PRKG1: variants seen among roughly 807,000 people sequenced by gnomAD.
PRKG1 encodes cGMP-dependent protein kinase 1.
PRKG1 carries 35 observed loss-of-function variants against 88.1 expected under a neutral mutation model. That is an observed-to-expected ratio of 0.40 (90% CI 0.30 to 0.53). PRKG1 has a LOEUF of 0.53. Among genes scored for constraint, PRKG1 ranks in the 20% least tolerant of loss-of-function variants. PRKG1 has a pLI of 0.59. For synonymous variants in PRKG1, 303 were observed against 292.5 expected (o/e 1.04, Z -0.37); for missense variants, 540 against 839.8 (o/e 0.64, Z 4.41).
intron 4 of PRKG1, among the ~76,000 whole-genome samples, chr10:51,881,482 AC>A (rs1279525214): frequency 6.6e-6 from 1 of 152,182 alleles, no homozygotes; most frequent in Non-Finnish European, 1.5e-5. Context: ...GGCTTCTTCC[AC>A]ATGATCTTTC....
At chr10:51,030,952 T>C (rs1434718541) in intron 1 of PRKG1, among the ~76,000 whole-genome samples, 1 of 152,180 alleles carries the variant, frequency 6.6e-6, no homozygotes, top group African/African-American at 2.4e-5. Flanking sequence ...CTAACAAAAC[T>C]ACCTCTCAGT....
At chr10:51,399,599 AAAAT>A (rs1323056076) in intron 2 of PRKG1, among the ~76,000 whole-genome samples, 12 of 152,350 alleles carry the variant, frequency 7.9e-5, no homozygotes, top group East Asian at 1.9e-4. Flanking sequence ...ATGTAGAAGA[AAAAT>A]AAAATCAAAA....
chr10:51,466,771 G>C (rs1839917610), intron 2 of PRKG1, among the ~76,000 whole-genome samples: 1 of 151,938 alleles, frequency 6.6e-6, no homozygotes, highest in Admixed American at 6.6e-5. Context: ...TGAAATCAAA[G>C]TATAAAGGCC....
intron 2 of PRKG1, among the ~76,000 whole-genome samples, chr10:51,309,642 T>C (rs750377321): frequency 2.0e-5 from 3 of 152,070 alleles, no homozygotes; most frequent in Admixed American, 2.0e-4. Flanking sequence ...TACACAATTA[T>C]TGAGAATATA....
intron 9 of PRKG1, among the ~76,000 whole-genome samples, chr10:52,239,935 T>C (rs1393482284): frequency 6.6e-6 from 1 of 152,194 alleles, no homozygotes; most frequent in Non-Finnish European, 1.5e-5. Flanking sequence ...TCTAATATTA[T>C]AGTCATCTCA....
chr10:52,253,885 G>A (rs556971080), intron 10 of PRKG1, among the ~76,000 whole-genome samples: 8 of 149,822 alleles, frequency 5.3e-5, no homozygotes, highest in East Asian at 2.0e-4. Flanking sequence ...AACCTTTTAC[G>A]GCCACATCAG....
At chr10:51,917,415 C>T (rs1053601738) in intron 5 of PRKG1, among the ~76,000 whole-genome samples, 2 of 151,608 alleles carry the variant, frequency 1.3e-5, no homozygotes, top group African/African-American at 2.4e-5. Context: ...CTGAATATAC[C>T]GAAAACCATT....
At chr10:51,093,845 T>C (rs545075477) in intron 1 of PRKG1, among the ~76,000 whole-genome samples, 1 of 146,370 alleles carries the variant, frequency 6.8e-6, no homozygotes, top group South Asian at 2.1e-4. Flanking sequence ...CGCCATGCAC[T>C]CAGGTACTAC....
At chr10:51,965,938 T>C (rs1402356237) in intron 5 of PRKG1, among the ~76,000 whole-genome samples, 1 of 152,118 alleles carries the variant, frequency 6.6e-6, no homozygotes, top group African/African-American at 2.4e-5. Context: ...AAACAAGATA[T>C]GTAAAAATAC....
rs1037022262 is a variant in PRKG1, at chr10:52,288,601, C to T, written c.1710-125C>T. ...TTTTGCTATTAATCTATTTTCATTC[C>T]ATTGTCACTATTAATCTAAGCCCCC... On this transcript the variant is annotated intron_variant, in intron 14 of 17. Coordinates refer to ENST00000373980, the MANE Select transcript of PRKG1 (RefSeq NM_006258.4). 4.6e-6 allele frequency: 5 copies of T among 1,086,508 alleles called. No homozygotes were observed. The African/African-American group carries it at 4.9e-5, about 11-fold the overall frequency. The allele number at this position is 1,086,508 out of a possible 1,614,324, so 67.3% of individuals were successfully genotyped here. A position where few individuals can be genotyped will look rare whatever the true frequency, so the allele number is the denominator to read the frequency against.
At chr10:51,035,595 C>T (rs1309966596) in intron 1 of PRKG1, among the ~76,000 whole-genome samples, 1 of 152,198 alleles carries the variant, frequency 6.6e-6, no homozygotes, top group Non-Finnish European at 1.5e-5. Context: ...CCTTACTTAG[C>T]TCTGTAGCCT....
intron 1 of PRKG1, among the ~76,000 whole-genome samples, chr10:51,119,189 A>G: frequency 6.6e-6 from 1 of 152,098 alleles, no homozygotes; most frequent in South Asian, 2.1e-4. Flanking sequence ...CTATTCAGTT[A>G]GTATGGTTCA....
At chr10:51,029,111 G>A (rs559926758) in intron 1 of PRKG1, among the ~76,000 whole-genome samples, 440 of 152,182 alleles carry the variant, frequency 2.9e-3, no homozygotes, top group Non-Finnish European at 4.7e-3. Flanking sequence ...TGCAGTGTAA[G>A]GTTACAAAAA....
chr10:51,738,011 G>A (rs865879785), intron 3 of PRKG1, among the ~76,000 whole-genome samples: 12 of 151,604 alleles, frequency 7.9e-5, no homozygotes, highest in Middle Eastern at 6.8e-3. Flanking sequence ...AACTCCTGAC[G>A]CCCACCTCCA....
At chr10:51,060,762 AT>A (rs1321555198) in intron 1 of PRKG1, among the ~76,000 whole-genome samples, 2 of 152,302 alleles carry the variant, frequency 1.3e-5, no homozygotes, top group African/African-American at 2.4e-5. Flanking sequence ...TGAAGAATAC[AT>A]TTTATTATCT....
At chr10:51,535,549 A>T (rs1842124282) in intron 3 of PRKG1, among the ~76,000 whole-genome samples, 1 of 152,206 alleles carries the variant, frequency 6.6e-6, no homozygotes, top group African/African-American at 2.4e-5. Context: ...TTTTGTTATA[A>T]GAAAGTCGTT....
chr10:51,288,227 G>T (rs1005104892), intron 2 of PRKG1, among the ~76,000 whole-genome samples: 2 of 151,904 alleles, frequency 1.3e-5, no homozygotes, highest in Admixed American at 1.3e-4. Context: ...GTGCCATGCC[G>T]ATGAGTGTGC....
intron 8 of PRKG1, among the ~76,000 whole-genome samples, chr10:52,139,423 A>G (rs1186749275): frequency 6.6e-6 from 1 of 151,726 alleles, no homozygotes; most frequent in Non-Finnish European, 1.5e-5. Flanking sequence ...CTCTATCTCA[A>G]TCTCCTCCCA....
rs368847920 is a variant in PRKG1 at position 51,546,317 on chromosome 10, G to A, written c.592+78481G>A. On this transcript the variant is annotated intron_variant, in intron 3 of 17. Transcript: ENST00000373980. ...TCTGAGTGACTAAGTAGTCGTCATA[G>A]AGGTTTAGTCTGAAAATGGACTAAT... Among the ~76,000 whole-genome samples the A allele has an allele frequency of 3.4e-4, 51 of 152,090 alleles. No homozygotes were observed. The East Asian group carries it at 8.1e-3, about 24-fold the overall frequency.
Sources: gnomAD v4.1 joint callset for allele counts (sites outside exome capture counted in the v4.1 genomes callset) on GRCh38, gnomAD v4.1.1 for gene constraint, MANE v1.5 for transcripts, NCBI Gene and HGNC (gene_info 2026-07-23, HGNC 2026-07-21) for gene names.